The following SLC34A1 variants were observed in gnomAD, a reference collection of about 807,000 sequenced individuals.
The protein encoded by SLC34A1 is solute carrier family 34 member 1, also known as sodium-dependent phosphate transport protein 2A.
Under a neutral mutation model 51.4 loss-of-function variants are expected in SLC34A1, and 57 were observed. The ratio of observed to expected loss-of-function variants is 1.11; its 90% confidence interval spans 0.90 to 1.38. The LOEUF (loss-of-function observed/expected upper bound fraction) is 1.38. Among genes scored for constraint, SLC34A1 ranks in the 40% most tolerant of loss-of-function variants. The probability of loss-of-function intolerance (pLI) is 0.00; values close to 1 mark genes in which losing one functional copy is unlikely to be tolerated. For synonymous variants in SLC34A1, 368 were observed against 358.0 expected, an observed-to-expected ratio of 1.03 and a Z score of -0.32; for missense variants, 796 against 835.6, an observed-to-expected ratio of 0.95 and a Z score of 0.58.
chr5:177,397,343 C>A (rs936033444), intron 12 of SLC34A1: 4 of 526,148 alleles, frequency 7.6e-6, no homozygotes, highest in South Asian at 6.2e-5. Flanking sequence ...AGAGGCACTA[C>A]AAAAGAGGGC....
intron 8 of SLC34A1, chr5:177,389,751 C>T: frequency 6.5e-7 from 1 of 1,537,172 alleles, no homozygotes; most frequent in Non-Finnish European, 8.7e-7. Flanking sequence ...CCTACTGCAG[C>T]TTCCGGCAGA....
In SLC34A1 at chr5:177,398,187, A is replaced by G. The variant is rs1763035092; in HGVS notation, c.1821A>G (p.Ser607=). ...TLCCARPEPR[S]PPLPPRVFLE... is the part of the protein sequence containing the mutation. ...GCTGTGCCAGGCCTGAGCCCCGCTC[A>G]CCCCCGCTGCCCCCCAGGGTCTTCC... Residue 607 remains serine, a synonymous_variant, in exon 13 of 13, where the codon TCA becomes TCG. Transcript: ENST00000324417. This position sits in a 1 kb window ranked among gnomAD's most constrained non-coding sequence, Gnocchi z 4.7. 1 of 1,609,686 alleles carries G rather than the reference A, an allele frequency of 6.2e-7. No homozygotes were observed. Among genetic ancestry groups the G allele is most frequent in the African/African-American group, 1.3e-5 (1 of 74,598 alleles).
In SLC34A1 at chr5:177,398,077, A is replaced by G; in HGVS notation, c.1711A>G (p.Lys571Glu). The G allele has an allele frequency of 1.2e-6, 2 of 1,613,720 alleles. No individual in the cohort carries two copies. The highest frequency in any genetic ancestry group is 1.7e-6 in the Non-Finnish European group (2 of 1,179,710). ...GAGTCGGAGTCCCGGGCACCTGCCCAAGTGGTTACAGACATGGGACTTCCT... is the reference window on the plus strand; with the variant it reads ...GAGTCGGAGTCCCGGGCACCTGCCCGAGTGGTTACAGACATGGGACTTCCT... ...LQSRSPGHLP[K>E]WLQTWDFLPR... Residue 571 changes from lysine to glutamate, a missense_variant, in exon 13 of 13, where the codon AAG (lysine) becomes GAG (glutamate). By Grantham distance (56) the Lys-to-Glu change is moderately conservative. Coordinates refer to ENST00000324417, the MANE Select transcript of SLC34A1 (RefSeq NM_003052.5). This position sits in a 1 kb window ranked among gnomAD's most constrained non-coding sequence, Gnocchi z 4.7.
At chr5:177,384,683 A>G (rs928286377) in intron 1 of SLC34A1, among the ~76,000 whole-genome samples, 196 bp downstream of exon 1, 1 of 152,014 alleles carries the variant, frequency 6.6e-6, no homozygotes, top group Non-Finnish European at 1.5e-5. Context: ...GGATCACCTG[A>G]GGTCGAGTTT....
intron 10 of SLC34A1, among the ~76,000 whole-genome samples, chr5:177,395,624 A>G (rs1323994726): frequency 6.6e-6 from 1 of 151,810 alleles, no homozygotes; most frequent in Non-Finnish European, 1.5e-5. Context: ...ACACCATTTG[A>G]TTTTCATTTT....
At chr5:177,385,917 T>C (rs982876650) in intron 2 of SLC34A1, 67 bp downstream of exon 2, 5 of 1,609,390 alleles carry the variant, frequency 3.1e-6, no homozygotes, top group South Asian at 1.1e-5. Context: ...ATGAGGCCAC[T>C]TCCCCCGCCT....
At chr5:177,394,324 G>GA in intron 10 of SLC34A1, 129 bp downstream of exon 10, 1 of 1,096,094 alleles carries the variant, frequency 9.1e-7, no homozygotes, top group Non-Finnish European at 1.3e-6. Context: ...TGTGAACAAA[G>GA]AAGGTGGTTT....
In SLC34A1 at chr5:177,388,277, C is replaced by A. The variant is rs553501979; in HGVS notation, c.841C>A (p.Leu281Met). 6.2e-7 allele frequency: 1 copy of A among 1,614,174 alleles called. No individual in the cohort carries two copies. The highest frequency in any genetic ancestry group is 1.7e-4 in the Middle Eastern group (1 of 6,060). ...CCCCCTGCCCACATCTTGCCCACAG[C>A]TGGACGAGTCTGTGATAACCAGCAT... is the stretch of plus-strand genomic sequence containing the variant. ...TEPFTKLIIQ[L>M]DESVITSIAT... Residue 281 changes from leucine (L) to methionine (M), a missense_variant and splice_region_variant, in exon 8 of 13, where the codon CTG (leucine) becomes ATG (methionine). Physicochemically the swap from Leu to Met is conservative, Grantham distance 15. Transcript: ENST00000324417. This position sits in a 1 kb window ranked among gnomAD's most constrained non-coding sequence, Gnocchi z 4.3.
In SLC34A1 at chr5:177,398,271, T is replaced by C. The variant is rs561542490; in HGVS notation, c.1905T>C (p.Asn635=). ...GTCTTGCACTGCCTGCTCACCACAA[T>C]GCCACCCGCCTCTAGGCTGTGGGCC... ...SPRLALPAHH[N]ATRL is the part of the protein sequence containing the mutation. Residue 635 remains asparagine (N), a synonymous_variant, in exon 13 of 13, where the codon AAT becomes AAC. Coordinates refer to ENST00000324417, the MANE Select transcript of SLC34A1 (RefSeq NM_003052.5). The surrounding 1 kb of genome is among the most constrained non-coding windows in gnomAD (Gnocchi z 4.7). 4.4e-6 allele frequency: 7 copies of C among 1,598,706 alleles called. No homozygotes were observed. Among genetic ancestry groups the C allele is most frequent in the Non-Finnish European group, 5.9e-6 (7 of 1,179,882 alleles).
intron 8 of SLC34A1, among the ~76,000 whole-genome samples, chr5:177,389,440 G>T (rs149853485): frequency 2.0e-4 from 31 of 151,508 alleles, no homozygotes; most frequent in African/African-American, 7.5e-4. Flanking sequence ...CATCTGACTC[G>T]CCCTGCGATG....
rs1444024609 is a variant in SLC34A1 at position 177,392,785 on chromosome 5, T to C, written c.937-909T>C. Among the ~76,000 whole-genome samples the C allele has an allele frequency of 3.3e-5, 5 of 152,144 alleles. No homozygotes were observed. In the South Asian group the frequency reaches 1.0e-3, roughly 31 times the overall value. ...ACTACAGGTGTACACCACCATGCCC[T>C]AATTTTCTTTGTGGAGACAAGGTCT... On this transcript the variant is annotated intron_variant, in intron 8 of 12. Coordinates refer to ENST00000324417, the MANE Select transcript of SLC34A1 (RefSeq NM_003052.5).
rs768153396 is a variant in SLC34A1 at position 177,389,735 on chromosome 5, C to T, written c.936+1363C>T. ...TCCTCACTGCCCCTGAGCTCCCTGC[C>T]GGCCACCTACTGCAGCTTCCGGCAG... On this transcript the variant is annotated intron_variant, in intron 8 of 12. Transcript: ENST00000324417. 1.6e-5 allele frequency: 25 copies of T among 1,537,118 alleles called. No homozygotes were observed. The East Asian group carries it at 3.4e-4, about 21-fold the overall frequency.
Position 177,388,000 on chromosome 5 carries a change from C to T in SLC34A1, c.651C>T (p.Phe217=), listed in dbSNP as rs779401123. The change falls in exon 7 of 13, where the codon TTC becomes TTT. Residue 217 remains phenylalanine (F), a synonymous_variant. Transcript: ENST00000324417. ...ATGTGGCCTCCCTGCCCAGGGCCTT[C>T]GCGGGGGCCACGGTGCATGACTGCT... ...AGDRTDFRRA[F]AGATVHDCFN... is the part of the protein sequence containing the mutation. The T allele has an allele frequency of 4.3e-6, 7 of 1,612,696 alleles. No homozygotes were observed. The highest frequency in any genetic ancestry group is 1.7e-5 in the Admixed American group (1 of 59,988).
rs760748843 is a variant in SLC34A1 at position 177,394,175 on chromosome 5, T to A, written c.1154T>A (p.Ile385Asn). 2 of 1,613,866 alleles carry A rather than the reference T, an allele frequency of 1.2e-6. No homozygotes were observed. The highest frequency in any genetic ancestry group is 2.7e-5 in the African/African-American group (2 of 74,910). The change falls in exon 10 of 13, where the codon ATC becomes AAC. Residue 385 changes from isoleucine (I) to asparagine (N), a missense_variant. Coordinates refer to ENST00000324417, the MANE Select transcript of SLC34A1 (RefSeq NM_003052.5). ...CTCAAGGGCCAAGTGGCCAAGGTCATCCAGAAGGTCATCAATACGGGTGAG... is the reference window on the plus strand; with the variant it reads ...CTCAAGGGCCAAGTGGCCAAGGTCAACCAGAAGGTCATCAATACGGGTGAG... ...SLLKGQVAKV[I>N]QKVINTDFPA... is the part of the protein sequence containing the mutation.
chr5:177,392,587 G>C (rs1581644110), intron 8 of SLC34A1, among the ~76,000 whole-genome samples: 1 of 152,176 alleles, frequency 6.6e-6, no homozygotes, highest in South Asian at 2.1e-4. Flanking sequence ...ACTCAAAGTG[G>C]TCGCCAATAT....
In SLC34A1 at chr5:177,389,748, C is replaced by T. The variant is rs764320413; in HGVS notation, c.936+1376C>T. 6 of 1,537,052 alleles carry T rather than the reference C, an allele frequency of 3.9e-6. No homozygotes were observed. In the African/African-American group the frequency reaches 4.1e-5, roughly 11 times the overall value. On this transcript the variant is annotated intron_variant, in intron 8 of 12. Coordinates refer to ENST00000324417, the MANE Select transcript of SLC34A1 (RefSeq NM_003052.5). ...TGAGCTCCCTGCCGGCCACCTACTG[C>T]AGCTTCCGGCAGATCTCAACCAGCA...
chr5:177,393,274 G>T (rs1762862268), intron 8 of SLC34A1, among the ~76,000 whole-genome samples: 1 of 152,158 alleles, frequency 6.6e-6, no homozygotes, highest in East Asian at 1.9e-4. Context: ...TTGAGCTAAG[G>T]GTGTCTTGGA....
At chr5:177,390,300 C>G (rs190431013) in intron 8 of SLC34A1, 3 of 987,214 alleles carry the variant, frequency 3.0e-6, no homozygotes. Flanking sequence ...ACCCTGACAC[C>G]GTCCTGGGAA....
Position 177,386,208 on chromosome 5 carries a change from T to G in SLC34A1, c.260-13T>G. Reference sequence around the variant, plus strand: ...GGCCTCTGCCCACTATGCTCATGGCTTCCCCCATCCAGAGTCCAGGCTGGT... The same window carrying G: ...GGCCTCTGCCCACTATGCTCATGGCGTCCCCCATCCAGAGTCCAGGCTGGT... On this transcript the variant is annotated splice_polypyrimidine_tract_variant and intron_variant, in intron 3 of 12. Coordinates refer to ENST00000324417, the MANE Select transcript of SLC34A1 (RefSeq NM_003052.5). This position sits in a 1 kb window ranked among gnomAD's most constrained non-coding sequence, Gnocchi z 4.8. 6.2e-7 allele frequency: 1 copy of G among 1,614,122 alleles called. No homozygotes were observed.
Sources: allele counts gnomAD v4.1 joint callset (sites outside exome capture counted in the v4.1 genomes callset), GRCh38; gene constraint gnomAD v4.1.1; non-coding constraint Gnocchi (gnomAD v3.1); transcripts MANE v1.5; gene names NCBI Gene and HGNC (gene_info 2026-07-23, HGNC 2026-07-21).